The following LURAP1L variants were observed in gnomAD, a reference collection of about 807,000 sequenced individuals.
LURAP1L encodes the protein leucine rich adaptor protein 1 like.
In LURAP1L, 12 loss-of-function variants were observed where a neutral mutation model predicts 13.8. That is an observed-to-expected ratio of 0.87 (90% CI 0.56 to 1.41). The LOEUF is 1.41. LURAP1L is among the 40% of genes most tolerant of loss of function. The pLI, the probability that LURAP1L is intolerant of heterozygous loss-of-function variation, is 0.00. For missense variants in LURAP1L, 375 were observed against 292.9 expected, an observed-to-expected ratio of 1.28 and a Z score of -2.04; for synonymous variants, 139 against 119.2, an observed-to-expected ratio of 1.17 and a Z score of -1.08.
chr9:12,775,505 A>T lies in LURAP1L; in HGVS notation c.-211A>T. Reference sequence around the variant, plus strand: ...CTTAGTGTCGGAGGAGTCGCAGCGGACTGGGAACTGCAGCTGCGACCCCCC... The same window carrying T: ...CTTAGTGTCGGAGGAGTCGCAGCGGTCTGGGAACTGCAGCTGCGACCCCCC... On this transcript the variant is annotated 5_prime_UTR_variant, in exon 1 of 2. Coordinates refer to ENST00000319264, the MANE Select transcript of LURAP1L (RefSeq NM_203403.2). 1 of 612,270 alleles carries T rather than the reference A, an allele frequency of 1.6e-6. No individual in the cohort carries two copies. The highest frequency in any genetic ancestry group is 2.6e-6 in the Non-Finnish European group (1 of 385,612). 37.9% of individuals were successfully genotyped at this position (612,270 alleles called of 1,614,324 possible).
chr9:12,788,192 A>AAAGAAAGAAAGAAAGAAAGAAAGAAAG (rs1554657446), intron 1 of LURAP1L, among the ~76,000 whole-genome samples: 29 of 103,484 alleles, frequency 2.8e-4, no homozygotes, highest in Non-Finnish European at 5.0e-4. Flanking sequence ...AGAAAGAAAG[A>AAAGAAAGAAAGAAAGAAAGAAAGAAAG]AAAGAAAAGA....
At chr9:12,783,450 A>G (rs975759899) in intron 1 of LURAP1L, among the ~76,000 whole-genome samples, 4 of 152,200 alleles carry the variant, frequency 2.6e-5, no homozygotes, top group African/African-American at 9.7e-5. Context: ...TCCAGTATCA[A>G]CTGAAATTAT....
intron 1 of LURAP1L, among the ~76,000 whole-genome samples, chr9:12,780,585 C>A (rs1819255824): frequency 6.6e-6 from 1 of 152,050 alleles, no homozygotes; most frequent in African/African-American, 2.4e-5. Flanking sequence ...CCACTGTGAG[C>A]CTGGCTATCT....
chr9:12,789,216 A>T lies in LURAP1L; in HGVS notation c.312+13189A>T, dbSNP rs529322367. On this transcript the variant is annotated intron_variant, in intron 1 of 1. Transcript: ENST00000319264. ...ACCACAACTCTGTGTTTTTCTAGAG[A>T]TGTGCTTTTAAGCACTTAATTTAAA... Among the ~76,000 whole-genome samples, 25 of 152,308 alleles carry T rather than the reference A, an allele frequency of 1.6e-4. No homozygotes were observed. The South Asian group carries it at 4.6e-3, about 28-fold the overall frequency.
At chr9:12,799,933 A>G (rs555706175) in intron 1 of LURAP1L, among the ~76,000 whole-genome samples, 2 of 152,052 alleles carry the variant, frequency 1.3e-5, no homozygotes, top group Non-Finnish European at 2.9e-5. Flanking sequence ...TTTACACAGC[A>G]TAATGTTTTG....
intron 1 of LURAP1L, among the ~76,000 whole-genome samples, chr9:12,778,303 C>T (rs1016103573): frequency 1.3e-5 from 2 of 152,068 alleles, no homozygotes; most frequent in African/African-American, 4.8e-5. Context: ...TCTCTGTGGC[C>T]CTCATTCTAG....
intron 1 of LURAP1L, among the ~76,000 whole-genome samples, chr9:12,795,594 C>G (rs143816911): frequency 1.3e-5 from 2 of 151,860 alleles, no homozygotes; most frequent in Non-Finnish European, 2.9e-5. Context: ...TTAATGAGAA[C>G]AAGACTGAAA....
chr9:12,813,039 G>A (rs985765490), intron 1 of LURAP1L, among the ~76,000 whole-genome samples: 1 of 151,928 alleles, frequency 6.6e-6, no homozygotes, highest in Non-Finnish European at 1.5e-5. Context: ...TTTTAATTAC[G>A]TCTAGAAAAA....
intron 1 of LURAP1L, among the ~76,000 whole-genome samples, chr9:12,795,213 C>G (rs982350025): frequency 2.0e-5 from 3 of 151,838 alleles, no homozygotes. Context: ...CTGTCCCACC[C>G]CTATTTCCTA....
rs750742555 is a variant in LURAP1L at position 12,821,388 on chromosome 9, T to C, written c.315T>C (p.Val105=). The C allele has an allele frequency of 7.4e-6, 12 of 1,612,044 alleles. No homozygotes were observed. The East Asian group carries it at 2.5e-4, about 33-fold the overall frequency. Residue 105 remains valine, a splice_region_variant and synonymous_variant, in exon 2 of 2, where the codon GTT becomes GTC. Transcript: ENST00000319264. The part of the protein sequence containing the change: ...TKLHLLRQEM[V]NLRATDVRLM... Reference sequence around the variant, plus strand: ...CTTTCTTCTCTCTTTGTCCATAGGTTAACCTCAGAGCCACAGACGTCAGGC... The same window carrying C: ...CTTTCTTCTCTCTTTGTCCATAGGTCAACCTCAGAGCCACAGACGTCAGGC...
intron 1 of LURAP1L, among the ~76,000 whole-genome samples, chr9:12,802,968 A>G (rs1819607234): frequency 6.6e-6 from 1 of 152,212 alleles, no homozygotes; most frequent in South Asian, 2.1e-4. Context: ...ACCCATACCC[A>G]TCTGACTGAC....
chr9:12,821,628 G>A lies in LURAP1L; in HGVS notation c.555G>A (p.Thr185=), dbSNP rs1269333093. 1.9e-6 allele frequency: 3 copies of A among 1,614,044 alleles called. No homozygotes were observed. Among genetic ancestry groups the A allele is most frequent in the Non-Finnish European group, 1.7e-6 (2 of 1,180,044 alleles). ...TTTCCGTGGGAAGTTATCTGGACAC[G>A]TTGGCGGATGATGTCCCAGGCCATC... ...DGISVGSYLD[T]LADDVPGHQT... The change falls in exon 2 of 2, where the codon ACG becomes ACA. Residue 185 remains threonine, a synonymous_variant. Transcript: ENST00000319264.
At chr9:12,815,979 A>G (rs1462936450) in intron 1 of LURAP1L, among the ~76,000 whole-genome samples, 1 of 152,184 alleles carries the variant, frequency 6.6e-6, no homozygotes, top group Non-Finnish European at 1.5e-5. Context: ...AGTTTTTACC[A>G]GCTACATCTT....
chr9:12,793,911 A>G (rs181333714), intron 1 of LURAP1L, among the ~76,000 whole-genome samples: 90 of 152,240 alleles, frequency 5.9e-4, no homozygotes, highest in Middle Eastern at 3.4e-3. Context: ...TAAATAAATA[A>G]CAAGGCTTAA....
At chr9:12,776,567 G>C (rs1040051337) in intron 1 of LURAP1L, among the ~76,000 whole-genome samples, 1 of 152,032 alleles carries the variant, frequency 6.6e-6, no homozygotes, top group African/African-American at 2.4e-5. Flanking sequence ...TGGTGCAGCA[G>C]CCGCAGCTGT....
At chr9:12,803,134 G>A (rs1819609790) in intron 1 of LURAP1L, among the ~76,000 whole-genome samples, 1 of 152,172 alleles carries the variant, frequency 6.6e-6, no homozygotes, top group Non-Finnish European at 1.5e-5. Flanking sequence ...GGATTATTGG[G>A]TAGGATAGAA....
At chr9:12,817,723 G>A (rs1416166858) in intron 1 of LURAP1L, among the ~76,000 whole-genome samples, 2 of 152,160 alleles carry the variant, frequency 1.3e-5, no homozygotes, top group African/African-American at 4.8e-5. Flanking sequence ...TTTAATTGAT[G>A]GCTAGACTTC....
intron 1 of LURAP1L, among the ~76,000 whole-genome samples, chr9:12,796,692 T>A (rs1472298926): frequency 5.3e-5 from 8 of 151,848 alleles, no homozygotes. Flanking sequence ...ATTCTAATAG[T>A]TTTTTTTAAA....
chr9:12,818,031 A>G (rs967855228), intron 1 of LURAP1L, among the ~76,000 whole-genome samples: 3 of 151,572 alleles, frequency 2.0e-5, no homozygotes, highest in African/African-American at 7.3e-5. Flanking sequence ...AGTTGAATCT[A>G]TAATCATTAT....
Sources: allele counts gnomAD v4.1 joint callset (sites outside exome capture counted in the v4.1 genomes callset), GRCh38; gene constraint gnomAD v4.1.1; transcripts MANE v1.5; gene names NCBI Gene and HGNC (gene_info 2026-07-23, HGNC 2026-07-21).